GPRIN3: variants seen among roughly 807,000 people sequenced by gnomAD.
GPRIN3 encodes G protein-regulated inducer of neurite outgrowth 3.
In GPRIN3, 12 loss-of-function variants were observed where a neutral mutation model predicts 13.7. That is an observed-to-expected ratio of 0.87 (90% CI 0.56 to 1.42). The LOEUF is 1.42. Among genes scored for constraint, GPRIN3 ranks in the 40% most tolerant of loss-of-function variants. The probability of loss-of-function intolerance (pLI) is 0.00; values close to 1 mark genes in which losing one functional copy is unlikely to be tolerated. For synonymous variants in GPRIN3, 377 were observed against 372.7 expected, an observed-to-expected ratio of 1.01 and a Z score of -0.13; for missense variants, 1,009 against 958.7, an observed-to-expected ratio of 1.05 and a Z score of -0.69.
rs1323355652 is a variant in GPRIN3 at position 89,238,114 on chromosome 4, T to TTG, written c.*9665_*9666insCA. 9.0e-6 allele frequency: 1 copy of TTG among 110,768 alleles called. No homozygotes were observed. Among genetic ancestry groups the TTG allele is most frequent in the East Asian group, 3.6e-4 (1 of 2,808 alleles). The allele number at this position is 110,768 out of a possible 1,614,324, so 6.9% of individuals were successfully genotyped here. A position where few individuals can be genotyped will look rare whatever the true frequency, so the allele number is the denominator to read the frequency against. On this transcript the variant is annotated 3_prime_UTR_variant, in exon 2 of 2. Transcript: ENST00000609438. ...CATTTTAGGTTAAAATAGTGTGCAT[T>TTG]TATACACACACACACACACAGCAGC... is the stretch of plus-strand genomic sequence containing the variant.
At chr4:89,259,268 GA>G (rs1723561848) in intron 1 of GPRIN3, among the ~76,000 whole-genome samples, 1 of 152,198 alleles carries the variant, frequency 6.6e-6, no homozygotes, top group Non-Finnish European at 1.5e-5. Context: ...TTCTCCAGAA[GA>G]GGTGATTAAA....
At chr4:89,264,064 T>C (rs917068222) in intron 1 of GPRIN3, among the ~76,000 whole-genome samples, 1 of 152,214 alleles carries the variant, frequency 6.6e-6, no homozygotes, top group African/African-American at 2.4e-5. Context: ...CAGGACACTT[T>C]GCACATATTG....
intron 1 of GPRIN3, among the ~76,000 whole-genome samples, chr4:89,253,371 G>T (rs909129702): frequency 1.3e-5 from 2 of 152,160 alleles, no homozygotes; most frequent in African/African-American, 4.8e-5. Context: ...AGAAAATGGT[G>T]TTATCTTACT....
At position 89,276,170 on chromosome 4, in the gene GPRIN3, C is replaced by A. The variant is rs557157753; in HGVS notation, c.-123-25937G>T. 1.4e-4 allele frequency among the ~76,000 whole-genome samples: 21 copies of A among 152,280 alleles called. No individual in the cohort carries two copies. The South Asian group carries it at 3.3e-3, about 24-fold the overall frequency. On this transcript the variant is annotated intron_variant, in intron 1 of 1. Transcript: ENST00000609438. Reference sequence around the variant, plus strand: ...TAACAATGAATTTTGAATAGACCAACCATTCTTTAACAGATATTTATTTAG... The same window carrying A: ...TAACAATGAATTTTGAATAGACCAAACATTCTTTAACAGATATTTATTTAG...
intron 1 of GPRIN3, among the ~76,000 whole-genome samples, chr4:89,285,326 A>G (rs1046450327): frequency 1.3e-5 from 2 of 150,806 alleles, no homozygotes; most frequent in Non-Finnish European, 3.0e-5. Flanking sequence ...GTGCACATGT[A>G]CCCTAGAACT....
At position 89,246,791 on chromosome 4, in the gene GPRIN3, T is replaced by G. The variant is rs1195808440; in HGVS notation, c.*989A>C. 1 of 152,192 alleles carries G rather than the reference T, an allele frequency of 6.6e-6. No homozygotes were observed. The highest frequency in any genetic ancestry group is 2.4e-5 in the African/African-American group (1 of 41,456). 9.4% of individuals were successfully genotyped at this position (152,192 alleles called of 1,614,324 possible). A position where few individuals can be genotyped will look rare whatever the true frequency, so the allele number is the denominator to read the frequency against. ...GTTTACAGGAGTCTAAATTAAACATTGTTTTTGTTACTTATGAGGCTTTTA... is the reference window on the plus strand; with the variant it reads ...GTTTACAGGAGTCTAAATTAAACATGGTTTTTGTTACTTATGAGGCTTTTA... On this transcript the variant is annotated 3_prime_UTR_variant, in exon 2 of 2. Transcript: ENST00000609438.
At chr4:89,264,364 C>A (rs766605147) in intron 1 of GPRIN3, among the ~76,000 whole-genome samples, 3 of 152,176 alleles carry the variant, frequency 2.0e-5, no homozygotes, top group Non-Finnish European at 4.4e-5. Flanking sequence ...CTGAAGCCTT[C>A]CCCAGAAGCA....
intron 1 of GPRIN3, among the ~76,000 whole-genome samples, chr4:89,271,115 A>G (rs541996776): frequency 6.6e-6 from 1 of 152,206 alleles, no homozygotes; most frequent in Non-Finnish European, 1.5e-5. Flanking sequence ...GAATGTTACT[A>G]TGCTCTAGGT....
intron 1 of GPRIN3, among the ~76,000 whole-genome samples, chr4:89,285,307 CTGCATGT>C (rs949399250): frequency 1.3e-5 from 2 of 151,890 alleles, no homozygotes; most frequent in Admixed American, 6.6e-5. Flanking sequence ...GGTAACAAAC[CTGCATGT>C]TGTGCACATG....
rs533182932 is a variant in GPRIN3, at chr4:89,296,838, C to T, written c.-124+10777G>A. Among the ~76,000 whole-genome samples the T allele has an allele frequency of 3.9e-5, 6 of 152,254 alleles. No individual in the cohort carries two copies. The East Asian group carries it at 5.8e-4, about 15-fold the overall frequency. On this transcript the variant is annotated intron_variant, in intron 1 of 1. Transcript: ENST00000609438. ...ATGCAATGATCTATAAAATTTTAAC[C>T]TAAAATATCTGTCCTTGAACTCACC...
chr4:89,249,063 G>A lies in GPRIN3; in HGVS notation c.1048C>T (p.Pro350Ser). 1 of 1,614,158 alleles carries A rather than the reference G, an allele frequency of 6.2e-7. No homozygotes were observed. The highest frequency in any genetic ancestry group is 8.5e-7 in the Non-Finnish European group (1 of 1,180,018). The change falls in exon 2 of 2, where the codon CCT (proline) becomes TCT (serine). Residue 350 changes from proline (P) to serine (S), a missense_variant. Physicochemically the swap from Pro to Ser is moderately conservative, Grantham distance 74. Coordinates refer to ENST00000609438, the MANE Select transcript of GPRIN3 (RefSeq NM_198281.3). ...LTAFLKESRAPEHFEQEQLRV... is the reference protein window; with the variant it reads ...LTAFLKESRASEHFEQEQLRV... The stretch of plus-strand genomic sequence containing the variant: ...AGCTGCTCTTGTTCAAAATGCTCAG[G>A]AGCACGGCTTTCCTTCAGAAATGCA...
At chr4:89,276,631 G>A (rs1283836813) in intron 1 of GPRIN3, among the ~76,000 whole-genome samples, 1 of 152,202 alleles carries the variant, frequency 6.6e-6, no homozygotes, top group African/African-American at 2.4e-5. Flanking sequence ...AAGATAATGT[G>A]AGTGCACTGC....
Position 89,307,600 on chromosome 4 carries a change from G to C in GPRIN3, c.-124+15C>G, listed in dbSNP as rs1432159822. The C allele has an allele frequency of 6.6e-6, 1 of 152,118 alleles. No individual in the cohort carries two copies. The highest frequency in any genetic ancestry group is 1.5e-5 in the Non-Finnish European group (1 of 68,100). The allele number at this position is 152,118 out of a possible 1,614,324, so 9.4% of individuals were successfully genotyped here. On this transcript the variant is annotated intron_variant, in intron 1 of 1. Coordinates refer to ENST00000609438, the MANE Select transcript of GPRIN3 (RefSeq NM_198281.3). Reference sequence around the variant, plus strand: ...GCTGGCCGCCAGGCGGAGGTGCGCAGGGGGCGTCTCCTACCTGCTCTGCCC... The same window carrying C: ...GCTGGCCGCCAGGCGGAGGTGCGCACGGGGCGTCTCCTACCTGCTCTGCCC...
At chr4:89,300,690 T>G (rs1161801042) in intron 1 of GPRIN3, among the ~76,000 whole-genome samples, 1 of 152,094 alleles carries the variant, frequency 6.6e-6, no homozygotes, top group Non-Finnish European at 1.5e-5. Flanking sequence ...AGACTGTAAG[T>G]GCATTTTCAC....
At chr4:89,262,393 C>T (rs968165200) in intron 1 of GPRIN3, among the ~76,000 whole-genome samples, 1 of 152,006 alleles carries the variant, frequency 6.6e-6, no homozygotes, top group Non-Finnish European at 1.5e-5. Flanking sequence ...GAACATTTTT[C>T]GCTTAGTATC....
chr4:89,294,105 A>G (rs1724666328), intron 1 of GPRIN3, among the ~76,000 whole-genome samples: 1 of 152,242 alleles, frequency 6.6e-6, no homozygotes, highest in Admixed American at 6.5e-5. Context: ...CTCCATAACC[A>G]GAGAATACAG....
chr4:89,246,571 T>C lies in GPRIN3; in HGVS notation c.*1209A>G, dbSNP rs971296367. The C allele has an allele frequency of 6.6e-6, 1 of 152,158 alleles. No individual in the cohort carries two copies. The highest frequency in any genetic ancestry group is 2.4e-5 in the African/African-American group (1 of 41,420). The allele number at this position is 152,158 out of a possible 1,614,324, so 9.4% of individuals were successfully genotyped here. Reference sequence around the variant, plus strand: ...CTCTTCTTTCATTGGGTTTGAAGGATATTATGGGTATTTCTCTTAAAATCA... The same window carrying C: ...CTCTTCTTTCATTGGGTTTGAAGGACATTATGGGTATTTCTCTTAAAATCA... On this transcript the variant is annotated 3_prime_UTR_variant, in exon 2 of 2. Coordinates refer to ENST00000609438, the MANE Select transcript of GPRIN3 (RefSeq NM_198281.3).
chr4:89,261,666 T>C (rs1325555432), intron 1 of GPRIN3, among the ~76,000 whole-genome samples: 1 of 152,222 alleles, frequency 6.6e-6, no homozygotes, highest in African/African-American at 2.4e-5. Flanking sequence ...AATGTGCTAA[T>C]TGATATATGC....
At chr4:89,284,623 C>G (rs532126064) in intron 1 of GPRIN3, among the ~76,000 whole-genome samples, 1 of 152,274 alleles carries the variant, frequency 6.6e-6, no homozygotes, top group Admixed American at 6.5e-5. Flanking sequence ...AACTCACCAC[C>G]AGGTCTACCT....
Sources: allele counts gnomAD v4.1 joint callset (sites outside exome capture counted in the v4.1 genomes callset), GRCh38; gene constraint gnomAD v4.1.1; transcripts MANE v1.5; gene names NCBI Gene and HGNC (gene_info 2026-07-23, HGNC 2026-07-21).